NPAT: variants seen among roughly 807,000 people sequenced by gnomAD.
The protein encoded by NPAT is protein NPAT.
NPAT carries 52 observed loss-of-function variants against 130.7 expected under a neutral mutation model. The observed-to-expected ratio is 0.40, with a 90% CI of 0.32 to 0.50. NPAT has a LOEUF of 0.50. Among genes scored for constraint, NPAT ranks in the 20% least tolerant of loss-of-function variants. NPAT has a pLI of 0.68. For synonymous variants in NPAT, 580 were observed against 584.8 expected (o/e 0.99, Z 0.12); for missense variants, 1,687 against 1,662.6 (o/e 1.01, Z -0.26).
At chr11:108,181,029 T>C (rs2078053446) in intron 10 of NPAT, among the ~76,000 whole-genome samples, 1 of 152,098 alleles carries the variant, frequency 6.6e-6, no homozygotes, top group South Asian at 2.1e-4. Flanking sequence ...TGGCAGGGGA[T>C]AGGAAAAGGG....
Position 108,161,220 on chromosome 11 carries a change from G to C in NPAT, c.3866C>G (p.Ala1289Gly). 6.2e-7 allele frequency: 1 copy of C among 1,614,116 alleles called. No homozygotes were observed. Among genetic ancestry groups the C allele is most frequent in the Non-Finnish European group, 8.5e-7 (1 of 1,179,996 alleles). The change falls in exon 17 of 18, where the codon GCC (alanine) becomes GGC (glycine). Residue 1289 changes from alanine (A) to glycine (G), a missense_variant. By Grantham distance (60) the Ala-to-Gly change is moderately conservative. Transcript: ENST00000278612. The part of the protein sequence containing the change: ...HKEEPIDIIK[A>G]PSSRRFSEDS... ...TTCACTGAAACGCCTACTAGAGGGG[G>C]CCTTGATAATATCTATAGGTTCTTC...
intron 1 of NPAT, among the ~76,000 whole-genome samples, chr11:108,201,612 C>T (rs780400827): frequency 4.6e-5 from 7 of 152,184 alleles, no homozygotes; most frequent in Admixed American, 6.5e-5. Flanking sequence ...AGCCTGCCTC[C>T]GGGCAGTCAC....
At chr11:108,216,300 C>G (rs2078435269) in intron 1 of NPAT, among the ~76,000 whole-genome samples, 1 of 152,064 alleles carries the variant, frequency 6.6e-6, no homozygotes, top group African/African-American at 2.4e-5. Context: ...AGATTTTTAT[C>G]TATCTTAAAG....
chr11:108,162,216 T>C (rs373374919), intron 15 of NPAT, 36 bp from the exon 16 acceptor site: 20 of 1,561,814 alleles, frequency 1.3e-5, no homozygotes, highest in Non-Finnish European at 1.7e-5. Flanking sequence ...AGAAAAAGAA[T>C]ATACTCCTCT....
intron 2 of NPAT, among the ~76,000 whole-genome samples, 187 bp from the exon 3 acceptor site, chr11:108,194,204 A>G (rs1290061657): frequency 6.6e-6 from 1 of 152,242 alleles, no homozygotes; most frequent in Non-Finnish European, 1.5e-5. Flanking sequence ...CCAAGCTTCT[A>G]AAGAATCTTG....
In NPAT at chr11:108,177,081, G is replaced by A. The variant is rs2078014722; in HGVS notation, c.916C>T (p.His306Tyr). The change falls in exon 11 of 18, where the codon CAC becomes TAC. Residue 306 changes from histidine (H) to tyrosine (Y), a missense_variant. Physicochemically the swap from His to Tyr is moderately conservative, Grantham distance 83. Coordinates refer to ENST00000278612, the MANE Select transcript of NPAT (RefSeq NM_002519.3). Reference protein sequence around the residue: ...DEFLGLPSEIHMSEEAIQDIL... With the variant: ...DEFLGLPSEIYMSEEAIQDIL... ...TCCTGTATAGCTTCTTCAGACATGT[G>A]AATTTCACTCTGCAAGAAAGGAGTG... 6.2e-7 allele frequency: 1 copy of A among 1,607,550 alleles called. No individual in the cohort carries two copies. Among genetic ancestry groups the A allele is most frequent in the Non-Finnish European group, 8.5e-7 (1 of 1,174,468 alleles).
chr11:108,178,409 CTTA>C (rs945512745), intron 10 of NPAT, among the ~76,000 whole-genome samples: 1 of 152,038 alleles, frequency 6.6e-6, no homozygotes, highest in South Asian at 2.1e-4. Flanking sequence ...AATTTTGCAC[CTTA>C]TTATTATTTT....
chr11:108,188,201 C>A (rs375359884), intron 6 of NPAT, 22 bp from the exon 7 acceptor site: 145 of 1,574,558 alleles, frequency 9.2e-5, no homozygotes, highest in Non-Finnish European at 1.0e-4. Context: ...GAAAACATAA[C>A]AGTAAGCCAA....
In NPAT at chr11:108,173,638, T is replaced by C; in HGVS notation, c.1346A>G (p.Asn449Ser). 6.2e-7 allele frequency: 1 copy of C among 1,614,206 alleles called. No individual in the cohort carries two copies. The highest frequency in any genetic ancestry group is 1.1e-5 in the South Asian group (1 of 91,086). The stretch of plus-strand genomic sequence containing the variant: ...CCCTCTTTGGTTAAAGTCATTCAAA[T>C]TAGGCACGGACTCAAAGGTAATGTC... ...DIDITFESVP[N>S]LNDFNQRGNS... is the part of the protein sequence containing the mutation. Residue 449 changes from asparagine (N) to serine (S), a missense_variant, in exon 13 of 18, where the codon AAT becomes AGT. Around this residue, in one of 3 missense-constraint regions of NPAT, gnomAD observed 1,379 missense variants for 1,346.6 expected, o/e 1.02. Transcript: ENST00000278612.
At chr11:108,169,603 A>C (rs1322148768) in intron 15 of NPAT, 141 bp downstream of exon 15, 160 of 695,002 alleles carry the variant, frequency 2.3e-4, no homozygotes, top group Non-Finnish European at 1.0e-5. Flanking sequence ...TGGCTGCATT[A>C]TGACATCTGT....
chr11:108,173,341 C>G lies in NPAT; in HGVS notation c.1643G>C (p.Ser548Thr), dbSNP rs1456453815. The change falls in exon 13 of 18, where the codon AGT becomes ACT. Residue 548 changes from serine to threonine, a missense_variant. Coordinates refer to ENST00000278612, the MANE Select transcript of NPAT (RefSeq NM_002519.3). ...ATCATTAGAATTTTCACAAAATTGA[C>G]TTTTTTTAGATGGCTTTCCAGTTAA... ...TSLTGKPSKK[S>T]QFCENSNDTV... 2 of 1,613,044 alleles carry G rather than the reference C, an allele frequency of 1.2e-6. No homozygotes were observed. The highest frequency in any genetic ancestry group is 1.7e-6 in the Non-Finnish European group (2 of 1,179,458).
intron 2 of NPAT, 62 bp from the exon 3 acceptor site, chr11:108,194,079 G>T: frequency 2.2e-6 from 2 of 892,322 alleles, no homozygotes; most frequent in Non-Finnish European, 3.7e-6. Context: ...TTTCTCACAA[G>T]AAAAGATTCT....
chr11:108,167,428 G>C (rs2077911822), intron 15 of NPAT, among the ~76,000 whole-genome samples: 1 of 152,106 alleles, frequency 6.6e-6, no homozygotes, highest in Non-Finnish European at 1.5e-5. Flanking sequence ...GCCCAGGCTG[G>C]TCTCAAACTC....
chr11:108,193,770 C>T (rs549174751), intron 3 of NPAT, among the ~76,000 whole-genome samples, 187 bp downstream of exon 3: 1 of 151,810 alleles, frequency 6.6e-6, no homozygotes, highest in South Asian at 2.1e-4. Flanking sequence ...AAAAACAAAA[C>T]AAAACAAAAA....
chr11:108,180,809 C>T (rs1423930544), intron 10 of NPAT, among the ~76,000 whole-genome samples: 1 of 152,184 alleles, frequency 6.6e-6, no homozygotes, highest in Admixed American at 6.5e-5. Context: ...TCCATTGATA[C>T]ATGAATGGAT....
intron 15 of NPAT, among the ~76,000 whole-genome samples, chr11:108,169,014 T>C (rs1414340250): frequency 2.0e-5 from 3 of 152,198 alleles, no homozygotes; most frequent in East Asian, 3.9e-4. Flanking sequence ...GATTTGTATT[T>C]TAGGGAAAAA....
chr11:108,176,208 G>C (rs1487199928), intron 12 of NPAT, 38 bp downstream of exon 12: 2 of 1,421,570 alleles, frequency 1.4e-6, no homozygotes, highest in Non-Finnish European at 2.0e-6. Context: ...CTAATATTAA[G>C]ATTTGGATTG....
chr11:108,203,698 C>T (rs970743453), intron 1 of NPAT, among the ~76,000 whole-genome samples: 5 of 152,188 alleles, frequency 3.3e-5, no homozygotes, highest in Admixed American at 3.3e-4. Context: ...TAATCCTGAA[C>T]CCCCAAGGGA....
intron 13 of NPAT, 58 bp downstream of exon 13, chr11:108,172,141 C>T: frequency 6.9e-7 from 1 of 1,458,778 alleles, no homozygotes; most frequent in Non-Finnish European, 9.6e-7. Context: ...ACATCACATA[C>T]AAAAGAAATT....
Sources: gnomAD v4.1 joint callset for allele counts (sites outside exome capture counted in the v4.1 genomes callset) on GRCh38, gnomAD v4.1.1 for gene constraint, gnomAD v4.1.1 regional missense constraint, MANE v1.5 for transcripts, NCBI Gene and HGNC (gene_info 2026-07-23, HGNC 2026-07-21) for gene names.